The following GPC3 variants were observed in gnomAD, a reference collection of about 807,000 sequenced individuals.
GPC3 encodes the protein glypican-3.
A neutral mutation model predicts 34.4 loss-of-function variants in GPC3; 3 were observed. The ratio of observed to expected loss-of-function variants is 0.09; its 90% CI spans 0.04 to 0.23. GPC3 has a LOEUF of 0.23. Among genes scored for constraint, GPC3 ranks in the 10% least tolerant of loss-of-function variants. The pLI is 1.00. For synonymous variants in GPC3, 177 were observed against 174.0 expected (o/e 1.02, Z -0.13); for missense variants, 351 against 445.6 (o/e 0.79, Z 1.91).
At chrX:133,849,195 C>T (rs1244289604) in intron 2 of GPC3, among the ~76,000 whole-genome samples, 3 of 103,518 alleles carry the variant, frequency 2.9e-5, no homozygotes, top group African/African-American at 7.1e-5. Context: ...CCCGGGTTCA[C>T]GCCATTCTCC....
At chrX:133,656,080 A>T (rs1031078319) in intron 6 of GPC3, among the ~76,000 whole-genome samples, 1 of 111,763 alleles carries the variant, frequency 8.9e-6, no homozygotes, top group Non-Finnish European at 1.9e-5. Flanking sequence ...TCACTAACAG[A>T]AAGTTCTTCT....
At chrX:133,868,287 C>A (rs1259840532) in intron 2 of GPC3, among the ~76,000 whole-genome samples, 2 of 112,228 alleles carry the variant, frequency 1.8e-5, no homozygotes, top group Non-Finnish European at 3.8e-5. Flanking sequence ...GCTCCCCCTC[C>A]TGTCAGGGGT....
At chrX:133,715,648 A>C (rs1170574790) in intron 3 of GPC3, among the ~76,000 whole-genome samples, 1 of 111,003 alleles carries the variant, frequency 9.0e-6, no homozygotes, top group Non-Finnish European at 1.9e-5. Flanking sequence ...CATCTGCTGA[A>C]CTCAATTAGA....
At chrX:133,624,976 T>A (rs1375885723) in intron 6 of GPC3, among the ~76,000 whole-genome samples, 1 of 111,991 alleles carries the variant, frequency 8.9e-6, no homozygotes, top group Non-Finnish European at 1.9e-5. Context: ...CACGATCAAG[T>A]TGGCTTCATC....
At chrX:133,626,067 G>T (rs1003042184) in intron 6 of GPC3, among the ~76,000 whole-genome samples, 1 of 111,808 alleles carries the variant, frequency 8.9e-6, no homozygotes, top group Non-Finnish European at 1.9e-5. Flanking sequence ...AATGGGGAAA[G>T]GATTCCCTAT....
intron 6 of GPC3, among the ~76,000 whole-genome samples, chrX:133,638,975 T>C (rs749441340): frequency 4.5e-5 from 5 of 111,843 alleles, no homozygotes; most frequent in African/African-American, 1.6e-4. Flanking sequence ...AAAATTCTGT[T>C]GTCTAGACTT....
intron 3 of GPC3, among the ~76,000 whole-genome samples, chrX:133,725,186 G>T (rs1181129320): frequency 9.0e-6 from 1 of 111,524 alleles, no homozygotes; most frequent in Admixed American, 9.5e-5. Context: ...TAACACAAGA[G>T]AATTCTCAAA....
intron 5 of GPC3, 143 bp from the exon 6 acceptor site, chrX:133,661,993 T>C (rs1371443008): frequency 3.4e-6 from 2 of 589,246 alleles, no homozygotes; most frequent in Non-Finnish European, 5.5e-6. Flanking sequence ...CTCCACATAG[T>C]GTCTATTTAC....
chrX:133,750,338 A>AG (rs1241292654), intron 3 of GPC3, among the ~76,000 whole-genome samples: 1 of 112,407 alleles, frequency 8.9e-6, no homozygotes. Context: ...GTAAAAGTCT[A>AG]GGGGGGTCTA....
At chrX:133,663,668 T>C (rs2070745331) in intron 5 of GPC3, among the ~76,000 whole-genome samples, 1 of 111,742 alleles carries the variant, frequency 8.9e-6, no homozygotes, top group Non-Finnish European at 1.9e-5. Context: ...GAAGTATGTT[T>C]AGGACTTGAA....
intron 6 of GPC3, among the ~76,000 whole-genome samples, chrX:133,628,609 T>C (rs993842312): frequency 1.8e-5 from 2 of 108,349 alleles, no homozygotes; most frequent in Non-Finnish European, 3.8e-5. Context: ...TGAGCTGAGA[T>C]TGCACCACTG....
chrX:133,556,563 T>G (rs1029352191), intron 7 of GPC3, among the ~76,000 whole-genome samples: 2 of 109,839 alleles, frequency 1.8e-5, no homozygotes, highest in Non-Finnish European at 3.8e-5. Flanking sequence ...ATACCACCTT[T>G]GGGTACATGG....
chrX:133,617,998 T>A (rs1483359944), intron 6 of GPC3, among the ~76,000 whole-genome samples: 1 of 112,242 alleles, frequency 8.9e-6, no homozygotes. Context: ...ACTATCAATA[T>A]TTGTCTTACT....
At position 133,699,892 on chromosome X, in the gene GPC3, C is replaced by A; in HGVS notation, c.1166+3G>T. On this transcript the variant is annotated splice_donor_region_variant and intron_variant, in intron 4 of 7. Coordinates refer to ENST00000370818, the MANE Select transcript of GPC3 (RefSeq NM_004484.4). ...TGGAATAAAGAAAAAAGAAACCTCTCACCTTCTTCGGCTGGATAAGGTTTC... is the reference window on the plus strand; with the variant it reads ...TGGAATAAAGAAAAAAGAAACCTCTAACCTTCTTCGGCTGGATAAGGTTTC... 8.3e-7 allele frequency: 1 copy of A among 1,202,000 alleles called. No individual in the cohort carries two copies. The highest frequency in any genetic ancestry group is 1.8e-5 in the South Asian group (1 of 55,607).
At chrX:133,889,198 T>C (rs1422705753) in intron 2 of GPC3, among the ~76,000 whole-genome samples, 6 of 112,264 alleles carry the variant, frequency 5.3e-5, no homozygotes, top group Non-Finnish European at 1.1e-4. Context: ...CCCACTTGAA[T>C]AGCTTTGTCC....
intron 2 of GPC3, among the ~76,000 whole-genome samples, chrX:133,916,935 T>C (rs933491572): frequency 9.0e-5 from 10 of 111,345 alleles, no homozygotes; most frequent in African/African-American, 3.3e-4. Flanking sequence ...AAAAGAACAC[T>C]GAAATTAGAG....
intron 2 of GPC3, among the ~76,000 whole-genome samples, chrX:133,779,440 G>A (rs147399948): frequency 0.011 from 1,283 of 111,905 alleles, 22 homozygotes; most frequent in African/African-American, 0.039. Context: ...CCTTGGGCCA[G>A]TCACTTAACC....
At chrX:133,870,189 T>C (rs1312685106) in intron 2 of GPC3, among the ~76,000 whole-genome samples, 2 of 112,030 alleles carry the variant, frequency 1.8e-5, no homozygotes, top group African/African-American at 6.5e-5. Context: ...GCAAAGGGAA[T>C]GAATGGTCAA....
chrX:133,641,135 T>G (rs2070476663), intron 6 of GPC3, among the ~76,000 whole-genome samples: 2 of 109,607 alleles, frequency 1.8e-5, no homozygotes, highest in Admixed American at 2.0e-4. Flanking sequence ...TTTAAAAAAA[T>G]TCCAGGTGTA....
Sources: allele counts gnomAD v4.1 joint callset (sites outside exome capture counted in the v4.1 genomes callset), GRCh38; gene constraint gnomAD v4.1.1; transcripts MANE v1.5; gene names NCBI Gene and HGNC (gene_info 2026-07-23, HGNC 2026-07-21).